ARHGAP23: variants seen among roughly 807,000 people sequenced by gnomAD.
ARHGAP23 encodes Rho GTPase activating protein 23.
In ARHGAP23, 34 loss-of-function variants were observed where a neutral mutation model predicts 136.3. The ratio of observed to expected loss-of-function variants is 0.25; its 90% CI spans 0.19 to 0.33. The LOEUF is 0.33. Ranked by LOEUF, ARHGAP23 falls within the 10% of genes least tolerant of loss-of-function variation. ARHGAP23 has a pLI of 1.00. For synonymous variants in ARHGAP23, 832 were observed against 920.5 expected (o/e 0.90, Z 1.74); for missense variants, 1,808 against 2,139.0 (o/e 0.85, Z 3.05).
chr17:38,483,552 C>G (rs764421141), intron 16 of ARHGAP23, among the ~76,000 whole-genome samples: 3 of 152,220 alleles, frequency 2.0e-5, no homozygotes, highest in Admixed American at 6.5e-5. Context: ...TTTATTTGCC[C>G]AAAGGGGCTC....
chr17:38,446,372 C>A (rs915988578), intron 1 of ARHGAP23, among the ~76,000 whole-genome samples: 1 of 152,100 alleles, frequency 6.6e-6, no homozygotes, highest in Non-Finnish European at 1.5e-5. Context: ...TTATTCATAT[C>A]ATGTATGTAT....
chr17:38,428,446 C>T (rs979412078), upstream of ARHGAP23: 8 of 1,360,908 alleles, frequency 5.9e-6, no homozygotes, highest in East Asian at 1.6e-4. Flanking sequence ...TGCCGGCGCC[C>T]CCAGCCGTGC....
rs1477745343 is a variant in ARHGAP23, at chr17:38,474,819, G to C, written c.2119-2760G>C. On this transcript the variant is annotated intron_variant, in intron 11 of 23. Coordinates refer to ENST00000622683, the MANE Select transcript of ARHGAP23 (RefSeq NM_001199417.2). The stretch of plus-strand genomic sequence containing the variant: ...CCAGCAAGTTGGCAGTGACCCATGG[G>C]GTGGGAGCCATGAGGCAAGGAGGGA... Among the ~76,000 whole-genome samples the C allele has an allele frequency of 5.3e-5, 8 of 152,222 alleles. No homozygotes were observed. In the East Asian group the frequency reaches 1.5e-3, roughly 29 times the overall value.
intron 6 of ARHGAP23, among the ~76,000 whole-genome samples, chr17:38,465,686 G>C (rs578065008): frequency 6.6e-6 from 1 of 152,148 alleles, no homozygotes; most frequent in Admixed American, 6.5e-5. Flanking sequence ...CCCCATTCCC[G>C]GGGATGGAGG....
intron 14 of ARHGAP23, among the ~76,000 whole-genome samples, chr17:38,480,665 G>A (rs562263696): frequency 2.6e-5 from 4 of 151,332 alleles, no homozygotes; most frequent in Non-Finnish European, 4.4e-5. Flanking sequence ...GTACCCGGGC[G>A]TGGTGGTGTG....
At position 38,466,305 on chromosome 17, in the gene ARHGAP23, G is replaced by C; in HGVS notation, c.622G>C (p.Val208Leu). 1 of 1,546,538 alleles carries C rather than the reference G, an allele frequency of 6.5e-7. No individual in the cohort carries two copies. Among genetic ancestry groups the C allele is most frequent in the South Asian group, 1.2e-5 (1 of 83,946 alleles). ...CCGGGCCTCCACCAGGGCCACTATG[G>C]TGCCTGAGCCCACCTCAGCACTGCC... ...PARASTRATM[V>L]PEPTSALPSD... is the part of the protein sequence containing the mutation. Residue 208 changes from valine to leucine, a missense_variant, in exon 7 of 24, where the codon GTG (valine) becomes CTG (leucine). Physicochemically the swap from Val to Leu is conservative, Grantham distance 32. This residue lies in a region of ARHGAP23 where 859 missense variants were observed against 936.4 expected (regional missense o/e 0.92). Coordinates refer to ENST00000622683, the MANE Select transcript of ARHGAP23 (RefSeq NM_001199417.2).
At chr17:38,451,474 A>C (rs2039164973) in intron 1 of ARHGAP23, 1 of 152,266 alleles carries the variant, frequency 6.6e-6, no homozygotes, top group Non-Finnish European at 1.5e-5. Flanking sequence ...TGAATTCCGC[A>C]GAGGTGGATT....
At chr17:38,500,196 G>A (rs978638005) in intron 22 of ARHGAP23, 14 of 230,386 alleles carry the variant, frequency 6.1e-5, no homozygotes, top group Admixed American at 3.7e-4. Context: ...TCTGTGATTT[G>A]CTGTGTTTCA....
intron 3 of ARHGAP23, among the ~76,000 whole-genome samples, chr17:38,461,185 CGGCACACTGTG>C (rs1229854150): frequency 2.0e-5 from 3 of 152,304 alleles, no homozygotes; most frequent in Non-Finnish European, 4.4e-5. Flanking sequence ...TTGCTGAGCT[CGGCACACTGTG>C]GGCGGCACTC....
rs1343935203 is a variant in ARHGAP23 at position 38,480,490 on chromosome 17, C to T, written c.2629+607C>T. Among the ~76,000 whole-genome samples the T allele has an allele frequency of 7.9e-5, 12 of 151,300 alleles. No homozygotes were observed. The South Asian group carries it at 1.2e-3, about 16-fold the overall frequency. ...CTACTAAAAAATACAAAAAATTAGCCGGGTGTGGTGGCAGGCACCTGTAGT... is the reference window on the plus strand; with the variant it reads ...CTACTAAAAAATACAAAAAATTAGCTGGGTGTGGTGGCAGGCACCTGTAGT... On this transcript the variant is annotated intron_variant, in intron 14 of 23. Coordinates refer to ENST00000622683, the MANE Select transcript of ARHGAP23 (RefSeq NM_001199417.2).
intron 1 of ARHGAP23, among the ~76,000 whole-genome samples, chr17:38,434,033 C>G (rs1187149058): frequency 6.6e-6 from 1 of 152,074 alleles, no homozygotes; most frequent in Non-Finnish European, 1.5e-5. Flanking sequence ...GCATGTTGGC[C>G]AGGCTGGTCT....
At chr17:38,423,478 T>A (rs1456999247), upstream of ARHGAP23, among the ~76,000 whole-genome samples, 1 of 151,952 alleles carries the variant, frequency 6.6e-6, no homozygotes, top group Non-Finnish European at 1.5e-5. Flanking sequence ...TTCAAGCAAT[T>A]CTCCTGCCTC....
intron 16 of ARHGAP23, among the ~76,000 whole-genome samples, chr17:38,483,021 C>T (rs781323700): frequency 2.0e-5 from 3 of 152,178 alleles, no homozygotes; most frequent in Non-Finnish European, 4.4e-5. Context: ...AGCAGAATGG[C>T]CTGCTCAATG....
intron 17 of ARHGAP23, among the ~76,000 whole-genome samples, chr17:38,489,507 C>G (rs1427642822): frequency 1.3e-5 from 2 of 151,992 alleles, no homozygotes; most frequent in African/African-American, 2.4e-5. Context: ...ATTGCTCTGC[C>G]TTTTCTGCCG....
chr17:38,510,614 G>A lies in ARHGAP23; in HGVS notation c.4118G>A (p.Arg1373His), dbSNP rs1452567657. The change falls in exon 24 of 24, where the codon CGT (arginine) becomes CAT (histidine). Residue 1373 changes from arginine (R) to histidine (H), a missense_variant. Arg to His is a conservative substitution (Grantham distance 29). This residue lies in a region of ARHGAP23 where 506 missense variants were observed against 455.8 expected (regional missense o/e 1.11). Transcript: ENST00000622683. This position sits in a 1 kb window ranked among gnomAD's most constrained non-coding sequence, Gnocchi z 4.6. ...ASRPSRMEALRLRLRGTADDM... is the reference protein window; with the variant it reads ...ASRPSRMEALHLRLRGTADDM... Reference sequence around the variant, plus strand: ...CGGCCCTCGCGCATGGAGGCGCTGCGTCTAAGGCTCCGCGGCACGGCGGAC... The same window carrying A: ...CGGCCCTCGCGCATGGAGGCGCTGCATCTAAGGCTCCGCGGCACGGCGGAC... 22 of 1,340,754 alleles carry A rather than the reference G, an allele frequency of 1.6e-5. No individual in the cohort carries two copies. The highest frequency in any genetic ancestry group is 2.0e-5 in the Non-Finnish European group (21 of 1,054,292). 83.1% of individuals were successfully genotyped at this position (1,340,754 alleles called of 1,614,324 possible). A position where few individuals can be genotyped will look rare whatever the true frequency, so the allele number is the denominator to read the frequency against.
Position 38,482,045 on chromosome 17 carries a change from A to C in ARHGAP23, c.2653A>C (p.Thr885Pro). The C allele has an allele frequency of 1.3e-6, 2 of 1,544,380 alleles. No individual in the cohort carries two copies. Among genetic ancestry groups the C allele is most frequent in the East Asian group, 2.5e-5 (1 of 40,418 alleles). The change falls in exon 15 of 24, where the codon ACC becomes CCC. Residue 885 changes from threonine to proline, a missense_variant. By Grantham distance (38) the Thr-to-Pro change is conservative. Transcript: ENST00000622683. ...AGATGACAGTGCTGCAGCCCCCAAA[A>C]CCCCCTGGGGCATCAACATCATCAA... ...SKDDSAAAPK[T>P]PWGINIIKKN...
chr17:38,476,336 A>G (rs1300805643), intron 11 of ARHGAP23, among the ~76,000 whole-genome samples: 1 of 152,142 alleles, frequency 6.6e-6, no homozygotes, highest in Non-Finnish European at 1.5e-5. Flanking sequence ...GAGGCAGAAT[A>G]GTTGTGACTT....
chr17:38,434,256 A>G (rs1015529657), intron 1 of ARHGAP23, among the ~76,000 whole-genome samples: 1 of 152,188 alleles, frequency 6.6e-6, no homozygotes, highest in Admixed American at 6.5e-5. Context: ...TCCCGGTGGC[A>G]AGGAGCCCGG....
rs1212331573 is a variant in ARHGAP23, at chr17:38,466,562, A to G, written c.879A>G (p.Ser293=). 7 of 1,482,870 alleles carry G rather than the reference A, an allele frequency of 4.7e-6. No individual in the cohort carries two copies. The highest frequency in any genetic ancestry group is 6.2e-6 in the Non-Finnish European group (7 of 1,122,908). 91.9% of individuals were successfully genotyped at this position (1,482,870 alleles called of 1,614,324 possible). A position where few individuals can be genotyped will look rare whatever the true frequency, so the allele number is the denominator to read the frequency against. ...ECQQALSHWL[S]NQVPRRAGER... ...AGCAGGCCTTGTCACACTGGCTGTC[A>G]AACCAGGTACCCCGCCGGGCGGGGG... The change falls in exon 7 of 24, where the codon TCA becomes TCG. Residue 293 remains serine (S), a synonymous_variant. Coordinates refer to ENST00000622683, the MANE Select transcript of ARHGAP23 (RefSeq NM_001199417.2).
Sources: gnomAD v4.1 joint callset for allele counts (sites outside exome capture counted in the v4.1 genomes callset) on GRCh38, gnomAD v4.1.1 for gene constraint, gnomAD v4.1.1 regional missense constraint, Gnocchi (gnomAD v3.1) non-coding constraint, MANE v1.5 for transcripts, NCBI Gene and HGNC (gene_info 2026-07-23, HGNC 2026-07-21) for gene names.